The following SMIM10L3 variants were observed in gnomAD, a reference collection of about 807,000 sequenced individuals.
SMIM10L3 encodes salivary gland specific protein SAGSIN1.
At chr7:6,347,460 G>T in the SMIM10L3 span, among the ~76,000 whole-genome samples, 1 of 151,788 alleles carries the variant, frequency 6.6e-6, no homozygotes. Flanking sequence ...AGGTTGCAGT[G>T]AGCTGAGATG....
At chr7:6,331,553 T>C in the SMIM10L3 span, among the ~76,000 whole-genome samples, 1 of 152,052 alleles carries the variant, frequency 6.6e-6, no homozygotes, top group East Asian at 1.9e-4. Flanking sequence ...GCTAATTTTT[T>C]GTATTTTTAA....
chr7:6,333,567 C>G, the SMIM10L3 span, among the ~76,000 whole-genome samples: 2 of 152,232 alleles, frequency 1.3e-5, no homozygotes, highest in East Asian at 3.9e-4. Context: ...GGCGTGATCA[C>G]AGCTCACTGC....
At chr7:6,335,804 A>G in the SMIM10L3 span, among the ~76,000 whole-genome samples, 2 of 151,526 alleles carry the variant, frequency 1.3e-5, no homozygotes, top group East Asian at 3.9e-4. Context: ...GGAGGCACAG[A>G]CAGAAGGATG....
the SMIM10L3 span, chr7:6,330,238 T>G: frequency 1.2e-6 from 1 of 848,226 alleles, no homozygotes; most frequent in Non-Finnish European, 1.8e-6. Flanking sequence ...AAACTCAATT[T>G]ACTTTAAGTC....
At chr7:6,342,276 G>A in the SMIM10L3 span, among the ~76,000 whole-genome samples, 1 of 151,812 alleles carries the variant, frequency 6.6e-6, no homozygotes. Context: ...TGGGTGCGGT[G>A]GCTCACACCT....
At chr7:6,348,384 G>T in the SMIM10L3 span, among the ~76,000 whole-genome samples, 1 of 152,190 alleles carries the variant, frequency 6.6e-6, no homozygotes, top group South Asian at 2.1e-4. Flanking sequence ...GACCCCCAGT[G>T]CCGCGTTTGC....
the SMIM10L3 span, among the ~76,000 whole-genome samples, chr7:6,337,620 T>C: frequency 6.6e-6 from 1 of 151,638 alleles, no homozygotes; most frequent in African/African-American, 2.4e-5. Flanking sequence ...ACTAACGCAG[T>C]ATAAGGTACC....
chr7:6,343,015 T>TA, the SMIM10L3 span, among the ~76,000 whole-genome samples: 10 of 140,280 alleles, frequency 7.1e-5, no homozygotes, highest in South Asian at 9.1e-4. Context: ...CCAGCCTGGA[T>TA]GACAGAGGAA....
the SMIM10L3 span, among the ~76,000 whole-genome samples, chr7:6,332,723 G>A: frequency 0.61 from 92,571 of 151,950 alleles, 30,089 homozygotes; most frequent in East Asian, 0.9. Context: ...TAAAATTAAA[G>A]AGCAGCAACA....
chr7:6,337,629 C>A, the SMIM10L3 span, among the ~76,000 whole-genome samples: 1 of 151,086 alleles, frequency 6.6e-6, no homozygotes, highest in African/African-American at 2.5e-5. Flanking sequence ...GTATAAGGTA[C>A]CATTAGTAAT....
the SMIM10L3 span, chr7:6,348,618 G>T: frequency 2.0e-6 from 1 of 493,970 alleles, no homozygotes; most frequent in South Asian, 3.3e-5. Flanking sequence ...TGTAGAGGTA[G>T]GGGAAGTTGA....
At chr7:6,343,016 G>A in the SMIM10L3 span, among the ~76,000 whole-genome samples, 1 of 145,808 alleles carries the variant, frequency 6.9e-6, no homozygotes, top group Admixed American at 7.0e-5. Flanking sequence ...CAGCCTGGAT[G>A]ACAGAGGAAG....
chr7:6,337,058 A>G, the SMIM10L3 span, among the ~76,000 whole-genome samples: 1 of 152,036 alleles, frequency 6.6e-6, no homozygotes, highest in South Asian at 2.1e-4. Flanking sequence ...ATATGTTGAA[A>G]TAGGTATTTT....
the SMIM10L3 span, chr7:6,330,915 G>A: frequency 6.2e-6 from 10 of 1,614,146 alleles, no homozygotes; most frequent in Admixed American, 1.7e-4. Flanking sequence ...GAAGCACTGG[G>A]CCGCCACTGT....
chr7:6,330,734 G>A, the SMIM10L3 span: 9 of 1,614,042 alleles, frequency 5.6e-6, no homozygotes, highest in Admixed American at 1.5e-4. Flanking sequence ...TGTCCTCTGT[G>A]GCCGTCAGTG....
the SMIM10L3 span, among the ~76,000 whole-genome samples, chr7:6,344,681 A>G: frequency 1.3e-5 from 2 of 151,918 alleles, no homozygotes; most frequent in Non-Finnish European, 2.9e-5. Context: ...GGACTCCCAA[A>G]GTGCTGGGAT....
At chr7:6,331,509 C>A in the SMIM10L3 span, among the ~76,000 whole-genome samples, 1 of 151,538 alleles carries the variant, frequency 6.6e-6, no homozygotes, top group East Asian at 2.0e-4. Context: ...CTCTGTCGCC[C>A]ACGCTGGGCG....
the SMIM10L3 span, among the ~76,000 whole-genome samples, chr7:6,340,910 A>AT: frequency 6.8e-6 from 1 of 147,478 alleles, no homozygotes; most frequent in Non-Finnish European, 1.5e-5. Context: ...AAAAAAAAAA[A>AT]AAAAAAATTA....
At chr7:6,337,435 T>G in the SMIM10L3 span, among the ~76,000 whole-genome samples, 4 of 150,482 alleles carry the variant, frequency 2.7e-5, no homozygotes. Context: ...ATTTTAATTC[T>G]CAAGAAAAAC....
Sources: gnomAD v4.1 joint callset for allele counts (sites outside exome capture counted in the v4.1 genomes callset) on GRCh38, gnomAD v4.1.1 for gene constraint, MANE v1.5 for transcripts, NCBI Gene and HGNC (gene_info 2026-07-23, HGNC 2026-07-21) for gene names.